Variants in AHI1 observed in about 807,000 individuals in gnomAD.
AHI1 encodes the protein jouberin.
AHI1 carries 123 observed loss-of-function variants against 149.3 expected under a neutral mutation model. The ratio of observed to expected loss-of-function variants is 0.82; its 90% CI spans 0.71 to 0.96. The LOEUF is 0.96. Ranked by LOEUF, AHI1 falls within the 40% of genes least tolerant of loss-of-function variation. AHI1 has a pLI of 0.00. For missense variants in AHI1, 1,439 were observed against 1,422.7 expected (o/e 1.01, Z -0.18); for synonymous variants, 475 against 459.8 (o/e 1.03, Z -0.42).
At chr6:135,363,967 A>T in intron 23 of AHI1, among the ~76,000 whole-genome samples, 1 of 129,310 alleles carries the variant, frequency 7.7e-6, no homozygotes, top group African/African-American at 3.0e-5. Flanking sequence ...TCCCTCCCGG[A>T]CGGGGCGGCT....
At chr6:135,428,052 A>G (rs1784148172) in intron 19 of AHI1, among the ~76,000 whole-genome samples, 1 of 151,560 alleles carries the variant, frequency 6.6e-6, no homozygotes, top group South Asian at 2.1e-4. Flanking sequence ...TTTTAAAGTT[A>G]GTTTTATGAA....
intron 24 of AHI1, among the ~76,000 whole-genome samples, chr6:135,353,889 A>G (rs1404020963): frequency 1.3e-5 from 2 of 152,170 alleles, no homozygotes; most frequent in African/African-American, 4.8e-5. Context: ...GAAGAAAGGT[A>G]ACTGCAGAAG....
At chr6:135,324,077 T>C (rs1039450571) in intron 24 of AHI1, among the ~76,000 whole-genome samples, 1 of 152,172 alleles carries the variant, frequency 6.6e-6, no homozygotes, top group Non-Finnish European at 1.5e-5. Flanking sequence ...CTCAGCACTT[T>C]GGGAGGCCGA....
At chr6:135,306,732 T>TCC in intron 26 of AHI1, 1 of 152,030 alleles carries the variant, frequency 6.6e-6, no homozygotes, top group East Asian at 1.9e-4. Flanking sequence ...CAACTAAATG[T>TCC]CCCCCCACCA....
chr6:135,462,840 G>A (rs920515920), intron 8 of AHI1, among the ~76,000 whole-genome samples: 1 of 152,094 alleles, frequency 6.6e-6, no homozygotes, highest in Non-Finnish European at 1.5e-5. Context: ...GGTGGAGGTT[G>A]CAATGAGCCG....
chr6:135,358,171 T>C lies in AHI1; in HGVS notation c.3126A>G (p.Glu1042=), dbSNP rs766929839. ...GFTQTGIISI[E]RKPCNHQVDT... ...CTACCTGATGGTTACAAGGCTTTCT[T>C]TCTATGCTGATAATCCCTGTGGAAA... Residue 1042 remains glutamate, a synonymous_variant, in exon 24 of 29, where the codon GAA becomes GAG. Transcript: ENST00000265602. The C allele has an allele frequency of 1.2e-6, 2 of 1,612,990 alleles. No homozygotes were observed. The highest frequency in any genetic ancestry group is 3.3e-5 in the Admixed American group (2 of 59,944).
intron 26 of AHI1, among the ~76,000 whole-genome samples, chr6:135,310,727 A>C (rs1785083210): frequency 6.6e-6 from 1 of 152,222 alleles, no homozygotes; most frequent in Non-Finnish European, 1.5e-5. Flanking sequence ...ATAAGCAAAA[A>C]TAACAGTAGT....
intron 11 of AHI1, among the ~76,000 whole-genome samples, chr6:135,450,976 T>A (rs559354905): frequency 6.0e-5 from 9 of 149,280 alleles, no homozygotes; most frequent in African/African-American, 2.2e-4. Flanking sequence ...ATAAAAGATT[T>A]AAATTTTAAT....
intron 28 of AHI1, 128 bp downstream of exon 28, chr6:135,290,295 A>T (rs1263443917): frequency 1.5e-6 from 1 of 675,778 alleles, no homozygotes; most frequent in East Asian, 2.5e-5. Flanking sequence ...CCGGTTACAG[A>T]TCCCAAATGG....
rs11423493 is a variant in AHI1 at position 135,492,984 on chromosome 6, T to TAAA, written c.-54-696_-54-694dup. 310 of 826,900 alleles carry TAAA rather than the reference T, an allele frequency of 3.7e-4. 1 individual carries two copies. The African/African-American group carries it at 4.8e-3, about 13-fold the overall frequency. 51.2% of individuals were successfully genotyped at this position (826,900 alleles called of 1,614,324 possible). A position where few individuals can be genotyped will look rare whatever the true frequency, so the allele number is the denominator to read the frequency against. On this transcript the variant is annotated intron_variant, in intron 3 of 28. Transcript: ENST00000265602. ...TTTTGAGACTAAAACTGAAGAGTGTTAAAAAAAAAGCTGGTTCAGGAATTA... is the reference window on the plus strand; with the variant it reads ...TTTTGAGACTAAAACTGAAGAGTGTTAAAAAAAAAAAAGCTGGTTCAGGAATTA...
chr6:135,296,342 C>G (rs1783089964), intron 27 of AHI1, among the ~76,000 whole-genome samples: 1 of 152,140 alleles, frequency 6.6e-6, no homozygotes, highest in Non-Finnish European at 1.5e-5. Context: ...CCATTAATGT[C>G]TATTCTTATC....
chr6:135,382,014 C>CA (rs1481222189), intron 23 of AHI1, among the ~76,000 whole-genome samples: 3 of 151,864 alleles, frequency 2.0e-5, no homozygotes, highest in Non-Finnish European at 2.9e-5. Context: ...TGGTTCTTCT[C>CA]AAAAAAAGGA....
At chr6:135,480,451 C>T (rs1220801733) in intron 5 of AHI1, among the ~76,000 whole-genome samples, 1 of 151,394 alleles carries the variant, frequency 6.6e-6, no homozygotes, top group East Asian at 1.9e-4. Flanking sequence ...GAGCAAGACC[C>T]TGTCTTAAAA....
chr6:135,448,403 G>C lies in AHI1; in HGVS notation c.1513C>G (p.Pro505Ala), dbSNP rs1443719410. The change falls in exon 12 of 29, where the codon CCT (proline) becomes GCT (alanine). Residue 505 changes from proline (P) to alanine (A), a missense_variant. Transcript: ENST00000265602. ...TCAACAACACTTAATGGGGATCGAG[G>C]CTTAGTAGGTGGGTAATATAGCTGC... The part of the protein sequence containing the change: ...RLQLYYPPTK[P>A]RSPLSVVEAF... The C allele has an allele frequency of 4.4e-6, 7 of 1,603,872 alleles. No homozygotes were observed. The South Asian group carries it at 7.9e-5, about 18-fold the overall frequency.
intron 23 of AHI1, among the ~76,000 whole-genome samples, chr6:135,376,242 C>A (rs1775897177): frequency 6.6e-6 from 1 of 152,068 alleles, no homozygotes; most frequent in African/African-American, 2.4e-5. Flanking sequence ...ACTGAAATCA[C>A]TAAGTAGGGT....
intron 13 of AHI1, among the ~76,000 whole-genome samples, chr6:135,443,406 C>T (rs1315232818): frequency 6.6e-6 from 1 of 152,108 alleles, no homozygotes; most frequent in East Asian, 1.9e-4. Context: ...TCTTCTGTTT[C>T]TTATAATTCA....
rs1264081699 is a variant in AHI1, at chr6:135,330,149, G to C, written c.3166-6825C>G. On this transcript the variant is annotated intron_variant, in intron 24 of 28. Coordinates refer to ENST00000265602, the MANE Select transcript of AHI1 (RefSeq NM_001134831.2). ...CATAAATTTAGTTGATAAAGCAGCA[G>C]CAGGGTTTGAGAGTACTGAATCCAA... is the stretch of plus-strand genomic sequence containing the variant. Among the ~76,000 whole-genome samples, 3 of 152,232 alleles carry C rather than the reference G, an allele frequency of 2.0e-5. No individual in the cohort carries two copies. The South Asian group carries it at 6.2e-4, about 31-fold the overall frequency.
chr6:135,342,471 T>C (rs930326586), intron 24 of AHI1, among the ~76,000 whole-genome samples: 6 of 151,800 alleles, frequency 4.0e-5, no homozygotes, highest in African/African-American at 1.4e-4. Context: ...ATGTCCCTTA[T>C]GAATACTGAT....
At chr6:135,322,926 G>A (rs371499632) in intron 25 of AHI1, among the ~76,000 whole-genome samples, 4 of 152,230 alleles carry the variant, frequency 2.6e-5, no homozygotes, top group South Asian at 4.1e-4. Context: ...AGAGGGGCAG[G>A]GTCCCCGAGG....
Sources: allele counts gnomAD v4.1 joint callset (sites outside exome capture counted in the v4.1 genomes callset), GRCh38; gene constraint gnomAD v4.1.1; transcripts MANE v1.5; gene names NCBI Gene and HGNC (gene_info 2026-07-23, HGNC 2026-07-21).